The following OXSR1 variants were observed in gnomAD, a reference collection of about 807,000 sequenced individuals.
The protein encoded by OXSR1 is serine/threonine-protein kinase OSR1.
In OXSR1, 24 loss-of-function variants were observed where a neutral mutation model predicts 79.8. The ratio of observed to expected loss-of-function variants is 0.30; its 90% confidence interval spans 0.22 to 0.42. OXSR1 has a LOEUF of 0.42. OXSR1 is among the 10% of genes least tolerant of loss of function. The probability of loss-of-function intolerance (pLI) is 1.00; values close to 1 mark genes in which losing one functional copy is unlikely to be tolerated. For synonymous variants in OXSR1, 226 were observed against 209.2 expected (o/e 1.08, Z -0.69); for missense variants, 430 against 618.4 (o/e 0.70, Z 3.23).
chr3:38,212,932 T>G (rs368330995), intron 4 of OXSR1, among the ~76,000 whole-genome samples: 1 of 152,186 alleles, frequency 6.6e-6, no homozygotes, highest in Non-Finnish European at 1.5e-5. Context: ...GACTGTGGTG[T>G]TTTTTATTGT....
At position 38,254,343 on chromosome 3, in the gene OXSR1, A is replaced by C. The variant is rs1342066300; in HGVS notation, c.*1452A>C. ...AATAACTTGTCACACCTTTTGTTTCATTCTGAGTCTTTAGTTTTAGTCATG... is the reference window on the plus strand; with the variant it reads ...AATAACTTGTCACACCTTTTGTTTCCTTCTGAGTCTTTAGTTTTAGTCATG... On this transcript the variant is annotated 3_prime_UTR_variant, in exon 18 of 18. Coordinates refer to ENST00000311806, the MANE Select transcript of OXSR1 (RefSeq NM_005109.3). 1 of 397,096 alleles carries C rather than the reference A, an allele frequency of 2.5e-6. No homozygotes were observed. Among genetic ancestry groups the C allele is most frequent in the Non-Finnish European group, 4.4e-6 (1 of 225,344 alleles). The allele number at this position is 397,096 out of a possible 1,614,324, so 24.6% of individuals were successfully genotyped here.
chr3:38,238,028 A>G (rs1241346203), intron 11 of OXSR1, among the ~76,000 whole-genome samples: 1 of 152,188 alleles, frequency 6.6e-6, no homozygotes, highest in African/African-American at 2.4e-5. Flanking sequence ...GGAGAGATAC[A>G]TTATAGCTTT....
At chr3:38,164,287 A>T (rs543350174), upstream of OXSR1, among the ~76,000 whole-genome samples, 1 of 152,078 alleles carries the variant, frequency 6.6e-6, no homozygotes, top group East Asian at 1.9e-4. Context: ...CTGGGATTAC[A>T]GGCGCCAGCC....
chr3:38,172,054 G>A (rs1218222006), intron 1 of OXSR1, among the ~76,000 whole-genome samples: 2 of 152,148 alleles, frequency 1.3e-5, no homozygotes, highest in Non-Finnish European at 2.9e-5. Flanking sequence ...TTTGTGGGAA[G>A]TGTTTAGCTT....
chr3:38,168,075 GGA>G (rs1701502480), intron 1 of OXSR1, among the ~76,000 whole-genome samples: 1 of 152,104 alleles, frequency 6.6e-6, no homozygotes, highest in Admixed American at 6.6e-5. Context: ...TGGGCAAAAG[GGA>G]GTCTCTCAGT....
At chr3:38,194,257 A>G (rs1259159360) in intron 3 of OXSR1, among the ~76,000 whole-genome samples, 1 of 152,196 alleles carries the variant, frequency 6.6e-6, no homozygotes, top group African/African-American at 2.4e-5. Context: ...TCTAAAGAAT[A>G]AGTAATAATT....
At chr3:38,250,840 G>C (rs1476166782) in intron 15 of OXSR1, among the ~76,000 whole-genome samples, 5 of 152,246 alleles carry the variant, frequency 3.3e-5, no homozygotes, top group Non-Finnish European at 5.9e-5. Flanking sequence ...TGTTCCCTCT[G>C]AGGGGCTCAT....
intron 4 of OXSR1, among the ~76,000 whole-genome samples, chr3:38,206,090 A>G (rs981123163): frequency 3.3e-5 from 5 of 152,220 alleles, no homozygotes; most frequent in Non-Finnish European, 7.3e-5. Context: ...AAAAGTTATT[A>G]TATTTTGTAT....
At chr3:38,166,395 C>T (rs1442078814) in intron 1 of OXSR1, among the ~76,000 whole-genome samples, 1 of 152,066 alleles carries the variant, frequency 6.6e-6, no homozygotes, top group Non-Finnish European at 1.5e-5. Context: ...GGGGATCCTC[C>T]AGGTGAAGCT....
intron 5 of OXSR1, among the ~76,000 whole-genome samples, chr3:38,221,301 G>A (rs1448183342): frequency 1.3e-5 from 2 of 151,790 alleles, no homozygotes; most frequent in East Asian, 1.9e-4. Context: ...TTTTTGTTTT[G>A]TAAAGATGAG....
intron 4 of OXSR1, among the ~76,000 whole-genome samples, chr3:38,209,116 G>A (rs1366401831): frequency 2.6e-5 from 4 of 151,850 alleles, no homozygotes; most frequent in Non-Finnish European, 4.4e-5. Flanking sequence ...TCTTTTGTTA[G>A]TTACTTTTCT....
intron 1 of OXSR1, among the ~76,000 whole-genome samples, 162 bp from the exon 2 acceptor site, chr3:38,182,841 G>T (rs1382790205): frequency 1.3e-5 from 2 of 152,068 alleles, no homozygotes; most frequent in African/African-American, 4.8e-5. Flanking sequence ...AAATGGTTGA[G>T]GCTTTTGTTT....
chr3:38,168,002 A>G (rs546471340), intron 1 of OXSR1, among the ~76,000 whole-genome samples: 1 of 152,186 alleles, frequency 6.6e-6, no homozygotes, highest in South Asian at 2.1e-4. Flanking sequence ...CAGAGTTGCA[A>G]AGGCGCTAGA....
chr3:38,175,879 T>C (rs1010249397), intron 1 of OXSR1, among the ~76,000 whole-genome samples: 1 of 152,140 alleles, frequency 6.6e-6, no homozygotes, highest in Non-Finnish European at 1.5e-5. Flanking sequence ...TGAGGAGGCG[T>C]GCCAATGTGA....
Position 38,254,719 on chromosome 3 carries a change from T to G in OXSR1, c.*1828T>G, listed in dbSNP as rs940685815. 1 of 118,870 alleles carries G rather than the reference T, an allele frequency of 8.4e-6. No individual in the cohort carries two copies. Among genetic ancestry groups the G allele is most frequent in the Non-Finnish European group, 1.7e-5 (1 of 58,996 alleles). The allele number at this position is 118,870 out of a possible 1,614,324, so 7.4% of individuals were successfully genotyped here. On this transcript the variant is annotated 3_prime_UTR_variant, in exon 18 of 18. Transcript: ENST00000311806. ...GCTTACCGCTTACCTTAGAGTTTTG[T>G]TTTTTTTTTTTCAAACCCATCAAAA... is the stretch of plus-strand genomic sequence containing the variant.
At chr3:38,221,551 A>C in intron 5 of OXSR1, 27 bp from the exon 6 acceptor site, 2 of 1,250,856 alleles carry the variant, frequency 1.6e-6, no homozygotes, top group Non-Finnish European at 2.4e-6. Context: ...TGCACTTTAA[A>C]TACCTTGCTG....
At chr3:38,223,116 T>C (rs1702620926) in intron 6 of OXSR1, among the ~76,000 whole-genome samples, 1 of 152,194 alleles carries the variant, frequency 6.6e-6, no homozygotes, top group South Asian at 2.1e-4. Flanking sequence ...TTGTTCTTGG[T>C]ACACATTAGA....
intron 4 of OXSR1, among the ~76,000 whole-genome samples, chr3:38,213,297 CA>C (rs771692667): frequency 6.6e-6 from 1 of 152,118 alleles, no homozygotes; most frequent in Non-Finnish European, 1.5e-5. Flanking sequence ...GTTTTCCTTA[CA>C]AAATCCCCTG....
intron 3 of OXSR1, among the ~76,000 whole-genome samples, chr3:38,196,360 G>C (rs1702072484): frequency 6.6e-6 from 1 of 152,140 alleles, no homozygotes; most frequent in African/African-American, 2.4e-5. Flanking sequence ...TCGAGTTAGA[G>C]GCTACAAGAG....
Sources: allele counts gnomAD v4.1 joint callset (sites outside exome capture counted in the v4.1 genomes callset), GRCh38; gene constraint gnomAD v4.1.1; transcripts MANE v1.5; gene names NCBI Gene and HGNC (gene_info 2026-07-23, HGNC 2026-07-21).